Variants in EPB41L4A observed in about 807,000 individuals in gnomAD.
EPB41L4A encodes erythrocyte membrane protein band 4.1 like 4A.
A neutral mutation model predicts 108.6 loss-of-function variants in EPB41L4A; 100 were observed. The ratio of observed to expected loss-of-function variants is 0.92; its 90% CI spans 0.78 to 1.09. EPB41L4A has a LOEUF of 1.09. EPB41L4A is among the 50% of genes least tolerant of loss of function. EPB41L4A has a pLI of 0.00. For synonymous variants in EPB41L4A, 319 were observed against 289.0 expected, an observed-to-expected ratio of 1.10 and a Z score of -1.05; for missense variants, 1,030 against 842.7, an observed-to-expected ratio of 1.22 and a Z score of -2.75.
chr5:112,382,582 C>G (rs188347239), intron 1 of EPB41L4A, among the ~76,000 whole-genome samples: 9 of 152,254 alleles, frequency 5.9e-5, no homozygotes, highest in Non-Finnish European at 8.8e-5. Flanking sequence ...AAAAATATAG[C>G]AGGAATATCT....
intron 18 of EPB41L4A, chr5:112,183,288 C>T (rs1761251627): frequency 6.6e-6 from 1 of 152,286 alleles, no homozygotes; most frequent in South Asian, 2.1e-4. Context: ...CTTAATCCCT[C>T]CTCCTGTGAG....
intron 15 of EPB41L4A, among the ~76,000 whole-genome samples, chr5:112,200,511 T>C (rs1762167732): frequency 6.6e-6 from 1 of 152,230 alleles, no homozygotes; most frequent in African/African-American, 2.4e-5. Flanking sequence ...CTATGACTCA[T>C]GTATTTATCC....
intron 6 of EPB41L4A, chr5:112,264,447 A>C (rs1447470013): frequency 1.3e-5 from 2 of 153,334 alleles, no homozygotes; most frequent in Non-Finnish European, 2.9e-5. Flanking sequence ...ATTGAAGAAT[A>C]TATTAATGCA....
intron 1 of EPB41L4A, among the ~76,000 whole-genome samples, chr5:112,416,757 G>T (rs1580869399): frequency 1.3e-5 from 2 of 152,098 alleles, no homozygotes; most frequent in Non-Finnish European, 2.9e-5. Context: ...GGAAGGTTAG[G>T]AAAAAGTTTT....
chr5:112,198,686 TG>T (rs1224855238), intron 15 of EPB41L4A, among the ~76,000 whole-genome samples: 8 of 152,268 alleles, frequency 5.3e-5, no homozygotes, highest in Non-Finnish European at 7.4e-5. Context: ...TGTTTTATTG[TG>T]GGTTTTTTGG....
At chr5:112,268,583 T>G (rs1752034636) in intron 4 of EPB41L4A, among the ~76,000 whole-genome samples, 1 of 151,952 alleles carries the variant, frequency 6.6e-6, no homozygotes, top group Non-Finnish European at 1.5e-5. Flanking sequence ...TGCACAGTGG[T>G]TCACACCTGT....
intron 1 of EPB41L4A, among the ~76,000 whole-genome samples, chr5:112,332,145 T>G (rs1241364549): frequency 6.6e-6 from 1 of 152,244 alleles, no homozygotes; most frequent in Admixed American, 6.5e-5. Context: ...CCAACACTGC[T>G]GCAGAGTCCT....
chr5:112,402,346 T>C (rs1761819035), intron 1 of EPB41L4A, among the ~76,000 whole-genome samples: 1 of 152,154 alleles, frequency 6.6e-6, no homozygotes, highest in Non-Finnish European at 1.5e-5. Flanking sequence ...CCTTTTTTTT[T>C]TTTTAATCCA....
intron 1 of EPB41L4A, among the ~76,000 whole-genome samples, chr5:112,406,064 C>T (rs1010703502): frequency 3.3e-5 from 5 of 152,198 alleles, no homozygotes; most frequent in African/African-American, 4.8e-5. Context: ...CTTCAAATAA[C>T]TGCTGGAGAA....
chr5:112,190,235 T>A (rs1008396732), intron 17 of EPB41L4A, among the ~76,000 whole-genome samples: 1 of 152,188 alleles, frequency 6.6e-6, no homozygotes, highest in African/African-American at 2.4e-5. Flanking sequence ...TACCAGTGAA[T>A]TGAAACACCA....
chr5:112,409,770 A>C (rs929879146), intron 1 of EPB41L4A, among the ~76,000 whole-genome samples: 2 of 152,102 alleles, frequency 1.3e-5, no homozygotes, highest in African/African-American at 4.8e-5. Flanking sequence ...ACTCACCGGG[A>C]AAGGAGCTAA....
rs1380552450 is a variant in EPB41L4A, at chr5:112,265,011, G to C, written c.439C>G (p.Leu147Val). Residue 147 changes from leucine (L) to valine (V), a missense_variant, in exon 6 of 23, where the codon CTT (leucine) becomes GTT (valine). By Grantham distance (32) the Leu-to-Val change is conservative. Coordinates refer to ENST00000261486, the MANE Select transcript of EPB41L4A (RefSeq NM_022140.5). Reference protein sequence around the residue: ...QLGAYAIQSELGDYDPYKHTA... With the variant: ...QLGAYAIQSEVGDYDPYKHTA... ...TGTTTATATGGGTCATAATCTCCAA[G>C]CTCCGCTAAAAAAGAAAGATAACAT... The C allele has an allele frequency of 5.7e-6, 9 of 1,567,638 alleles. No homozygotes were observed. Among genetic ancestry groups the C allele is most frequent in the Non-Finnish European group, 7.7e-6 (9 of 1,161,796 alleles).
Position 112,168,804 on chromosome 5 carries a change from C to T in EPB41L4A, c.1867G>A (p.Val623Ile). 6.2e-7 allele frequency: 1 copy of T among 1,614,008 alleles called. No homozygotes were observed. Among genetic ancestry groups the T allele is most frequent in the South Asian group, 1.1e-5 (1 of 91,074 alleles). The change falls in exon 22 of 23, where the codon GTA becomes ATA. Residue 623 changes from valine (V) to isoleucine (I), a missense_variant. Coordinates refer to ENST00000261486, the MANE Select transcript of EPB41L4A (RefSeq NM_022140.5). The part of the protein sequence containing the change: ...LSEVNSKTDL[V>I]PPLPVTRSSD... ...GAACGGGTCACCGGAAGTGGTGGTA[C>T]AAGATCTGTTTTTGAACTGCAGAGA...
intron 18 of EPB41L4A, among the ~76,000 whole-genome samples, chr5:112,175,736 G>A (rs556312352): frequency 4.4e-5 from 6 of 137,070 alleles, no homozygotes; most frequent in African/African-American, 1.3e-4. Flanking sequence ...GTGTGTGTGT[G>A]TATATGTATA....
chr5:112,239,491 A>G (rs1749614894), intron 11 of EPB41L4A, 169 bp downstream of exon 11: 1 of 431,274 alleles, frequency 2.3e-6, no homozygotes, highest in South Asian at 6.3e-5. Context: ...TTAAATCTGG[A>G]AAATCATGTT....
At chr5:112,244,352 C>A (rs1750039499) in intron 9 of EPB41L4A, among the ~76,000 whole-genome samples, 2 of 152,148 alleles carry the variant, frequency 1.3e-5, no homozygotes, top group Admixed American at 1.3e-4. Flanking sequence ...TCACAGATCA[C>A]TATTGAAGTG....
chr5:112,259,410 T>A (rs1347086218), intron 8 of EPB41L4A, 118 bp from the exon 9 acceptor site: 1 of 759,584 alleles, frequency 1.3e-6, no homozygotes, highest in African/African-American at 1.7e-5. Context: ...TACTGCTCCA[T>A]ACCCAGTACA....
At chr5:112,320,312 A>C (rs1755692573) in intron 1 of EPB41L4A, among the ~76,000 whole-genome samples, 1 of 152,252 alleles carries the variant, frequency 6.6e-6, no homozygotes, top group African/African-American at 2.4e-5. Flanking sequence ...AGTCATCTGC[A>C]TTCCATCATA....
chr5:112,326,530 G>C (rs563635769), intron 1 of EPB41L4A, among the ~76,000 whole-genome samples: 3 of 152,112 alleles, frequency 2.0e-5, no homozygotes, highest in Non-Finnish European at 4.4e-5. Flanking sequence ...ATTGCTATTA[G>C]AACAAAAGTT....
Sources: allele counts gnomAD v4.1 joint callset (sites outside exome capture counted in the v4.1 genomes callset), GRCh38; gene constraint gnomAD v4.1.1; transcripts MANE v1.5; gene names NCBI Gene and HGNC (gene_info 2026-07-23, HGNC 2026-07-21).